The following HECW2 variants were observed in gnomAD, a reference collection of about 807,000 sequenced individuals.
The protein encoded by HECW2 is E3 ubiquitin-protein ligase HECW2.
Under a neutral mutation model 175.2 loss-of-function variants are expected in HECW2, and 61 were observed. The ratio of observed to expected loss-of-function variants is 0.35; its 90% CI spans 0.28 to 0.43. The LOEUF is 0.43. HECW2 is among the 20% of genes least tolerant of loss of function. The pLI, the probability that HECW2 is intolerant of heterozygous loss-of-function variation, is 1.00. For synonymous variants in HECW2, 671 were observed against 731.0 expected, an observed-to-expected ratio of 0.92 and a Z score of 1.32; for missense variants, 1,524 against 2,000.5, an observed-to-expected ratio of 0.76 and a Z score of 4.54.
chr2:196,557,219 A>G (rs1373269536), intron 1 of HECW2, among the ~76,000 whole-genome samples: 3 of 152,240 alleles, frequency 2.0e-5, no homozygotes, highest in African/African-American at 7.2e-5. Flanking sequence ...AACATGGTGA[A>G]ACCCCATCTC....
chr2:196,360,161 G>C (rs1381831904), intron 2 of HECW2, among the ~76,000 whole-genome samples: 1 of 152,112 alleles, frequency 6.6e-6, no homozygotes, highest in African/African-American at 2.4e-5. Context: ...GCTAAAAACA[G>C]AACTGCCATT....
chr2:196,424,813 G>A (rs943724391), intron 2 of HECW2, among the ~76,000 whole-genome samples: 12 of 152,152 alleles, frequency 7.9e-5, no homozygotes, highest in African/African-American at 2.7e-4. Flanking sequence ...AAGTGTTGAT[G>A]TAGAAGTTGC....
chr2:196,351,240 A>T (rs1271172422), intron 2 of HECW2, among the ~76,000 whole-genome samples: 2 of 152,006 alleles, frequency 1.3e-5, no homozygotes, highest in Admixed American at 6.6e-5. Flanking sequence ...AAAACTTTAA[A>T]TTTTTTTTCA....
intron 1 of HECW2, among the ~76,000 whole-genome samples, chr2:196,439,643 G>C (rs1350525918): frequency 6.6e-6 from 1 of 152,174 alleles, no homozygotes; most frequent in Non-Finnish European, 1.5e-5. Flanking sequence ...TAAGATGTAA[G>C]ACAGAGGAGA....
intron 1 of HECW2, among the ~76,000 whole-genome samples, chr2:196,564,156 A>G (rs1690101210): frequency 6.6e-6 from 1 of 152,196 alleles, no homozygotes. Flanking sequence ...GTGAATCTAA[A>G]AAATGGGAAA....
intron 26 of HECW2, among the ~76,000 whole-genome samples, chr2:196,218,778 G>T (rs933391058): frequency 6.6e-6 from 1 of 152,156 alleles, no homozygotes; most frequent in African/African-American, 2.4e-5. Context: ...GCATGTCAGA[G>T]AAATTGTGCT....
chr2:196,363,564 C>T (rs1353443175), intron 2 of HECW2, among the ~76,000 whole-genome samples: 1 of 152,216 alleles, frequency 6.6e-6, no homozygotes, highest in Non-Finnish European at 1.5e-5. Flanking sequence ...GGAACCATGG[C>T]TCACGCCTAT....
At chr2:196,354,339 G>C (rs1245632284) in intron 2 of HECW2, among the ~76,000 whole-genome samples, 1 of 152,220 alleles carries the variant, frequency 6.6e-6, no homozygotes, top group African/African-American at 2.4e-5. Context: ...GCTCTGCATG[G>C]AGCCTGCTGC....
chr2:196,208,644 T>G (rs545798533), intron 28 of HECW2, among the ~76,000 whole-genome samples: 2 of 152,252 alleles, frequency 1.3e-5, no homozygotes, highest in Admixed American at 1.3e-4. Flanking sequence ...ACCCGAGTCT[T>G]GGGGACAAGA....
At chr2:196,400,867 TTG>T (rs1025025923) in intron 2 of HECW2, among the ~76,000 whole-genome samples, 2 of 151,612 alleles carry the variant, frequency 1.3e-5, no homozygotes, top group African/African-American at 4.9e-5. Flanking sequence ...TGTATTCAAC[TTG>T]TGTCTACTTA....
chr2:196,443,915 G>A (rs1288304068), intron 1 of HECW2, among the ~76,000 whole-genome samples: 1 of 152,194 alleles, frequency 6.6e-6, no homozygotes, highest in Admixed American at 6.5e-5. Context: ...TGCGCCTATA[G>A]TCCCAGCTAC....
intron 1 of HECW2, among the ~76,000 whole-genome samples, chr2:196,457,974 C>T (rs6716458): frequency 0.22 from 32,961 of 151,966 alleles, 4,105 homozygotes; most frequent in African/African-American, 0.34. Flanking sequence ...CCATACTCTA[C>T]AATACTGGGA....
intron 1 of HECW2, among the ~76,000 whole-genome samples, chr2:196,583,797 T>C (rs1026198770): frequency 6.6e-6 from 1 of 152,248 alleles, no homozygotes; most frequent in African/African-American, 2.4e-5. Context: ...ATATTCACTA[T>C]GTGATCAATA....
chr2:196,558,169 T>C (rs564333960), intron 1 of HECW2, among the ~76,000 whole-genome samples: 1 of 152,324 alleles, frequency 6.6e-6, no homozygotes, highest in East Asian at 1.9e-4. Flanking sequence ...TTTCTAACAT[T>C]TTCTAAACAG....
rs1271541750 is a variant in HECW2, at chr2:196,200,882, A to G, written c.*395T>C. ...TTTATTATATTATTTAACTTGCTCTAATTTGGAGATTGGGCCAAATGCTGC... is the reference window on the plus strand; with the variant it reads ...TTTATTATATTATTTAACTTGCTCTGATTTGGAGATTGGGCCAAATGCTGC... On this transcript the variant is annotated 3_prime_UTR_variant, in exon 29 of 29. Coordinates refer to ENST00000644978, the MANE Select transcript of HECW2 (RefSeq NM_001348768.2). The G allele has an allele frequency of 2.5e-5, 4 of 161,388 alleles. No individual in the cohort carries two copies. Among genetic ancestry groups the G allele is most frequent in the Non-Finnish European group, 5.5e-5 (4 of 72,642 alleles). The allele number at this position is 161,388 out of a possible 1,614,324, so 10.0% of individuals were successfully genotyped here.
intron 3 of HECW2, among the ~76,000 whole-genome samples, chr2:196,342,598 A>G (rs112419102): frequency 1.3e-5 from 2 of 152,152 alleles, no homozygotes; most frequent in African/African-American, 2.4e-5. Flanking sequence ...AAAAGGGACA[A>G]GATATTTTTG....
At chr2:196,274,677 T>A (rs1689875391) in intron 15 of HECW2, among the ~76,000 whole-genome samples, 1 of 152,214 alleles carries the variant, frequency 6.6e-6, no homozygotes, top group Non-Finnish European at 1.5e-5. Flanking sequence ...GAACACCTGG[T>A]ACAACAGATC....
intron 2 of HECW2, among the ~76,000 whole-genome samples, chr2:196,385,481 TA>T (rs1456651769): frequency 7.9e-5 from 12 of 152,162 alleles, no homozygotes; most frequent in Non-Finnish European, 1.3e-4. Context: ...CCCTCTCCAT[TA>T]AGCCCTATGC....
In HECW2 at chr2:196,389,070, T is replaced by C. The variant is rs367951784; in HGVS notation, c.292+44062A>G. 2.0e-5 allele frequency among the ~76,000 whole-genome samples: 3 copies of C among 152,342 alleles called. No individual in the cohort carries two copies. In the East Asian group the frequency reaches 5.8e-4, roughly 29 times the overall value. The stretch of plus-strand genomic sequence containing the variant: ...GCATAAATATATTGGCAAATACCAA[T>C]TGTGACTGAAGTGCGATCTGTTGTG... On this transcript the variant is annotated intron_variant, in intron 2 of 28. Coordinates refer to ENST00000644978, the MANE Select transcript of HECW2 (RefSeq NM_001348768.2).
Sources: allele counts gnomAD v4.1 joint callset (sites outside exome capture counted in the v4.1 genomes callset), GRCh38; gene constraint gnomAD v4.1.1; transcripts MANE v1.5; gene names NCBI Gene and HGNC (gene_info 2026-07-23, HGNC 2026-07-21).